ENTREP1: variants seen among roughly 807,000 people sequenced by gnomAD.
ENTREP1 encodes Friedreich ataxia region gene X123.
chr9:69,377,562 G>A, the ENTREP1 span: 8 of 1,612,262 alleles, frequency 5.0e-6, no homozygotes, highest in South Asian at 1.1e-5. Context: ...CTCTCTCCCC[G>A]TGCCTTTGTA....
the ENTREP1 span, chr9:69,391,914 C>T: frequency 6.5e-6 from 7 of 1,082,916 alleles, no homozygotes; most frequent in Middle Eastern, 6.0e-4. Context: ...CTGGAGGACA[C>T]GTTTTCCCAC....
chr9:69,368,352 A>G, the ENTREP1 span, among the ~76,000 whole-genome samples: 1 of 151,962 alleles, frequency 6.6e-6, no homozygotes, highest in East Asian at 1.9e-4. Context: ...GGTCCTTATT[A>G]TGTTGAGGTA....
the ENTREP1 span, among the ~76,000 whole-genome samples, chr9:69,365,728 C>T: frequency 6.6e-6 from 1 of 152,038 alleles, no homozygotes; most frequent in Non-Finnish European, 1.5e-5. Context: ...TACTCTCTCT[C>T]GATGAGATTA....
the ENTREP1 span, among the ~76,000 whole-genome samples, chr9:69,368,237 T>C: frequency 2.0e-5 from 3 of 152,174 alleles, no homozygotes; most frequent in East Asian, 5.8e-4. Context: ...CTGTGTTGAA[T>C]AGAAGTAGTA....
the ENTREP1 span, chr9:69,375,892 G>A: frequency 1.1e-5 from 18 of 1,602,912 alleles, no homozygotes; most frequent in Middle Eastern, 1.7e-4. Flanking sequence ...CCACCCGCAC[G>A]GTAAATACAC....
chr9:69,383,796 T>A, the ENTREP1 span: 1 of 1,613,388 alleles, frequency 6.2e-7, no homozygotes, highest in Non-Finnish European at 8.5e-7. Flanking sequence ...GTACATTGAC[T>A]GCAAGTGGGA....
the ENTREP1 span, among the ~76,000 whole-genome samples, chr9:69,370,269 A>C: frequency 6.6e-6 from 1 of 152,230 alleles, no homozygotes; most frequent in Admixed American, 6.5e-5. Flanking sequence ...GATTACAGAT[A>C]TATTAGATCT....
chr9:69,340,256 G>A, the ENTREP1 span, among the ~76,000 whole-genome samples: 1 of 152,186 alleles, frequency 6.6e-6, no homozygotes, highest in Middle Eastern at 3.2e-3. Flanking sequence ...CCTTTGAAAG[G>A]CAGGCTGTCC....
At chr9:69,337,077 C>T in the ENTREP1 span, among the ~76,000 whole-genome samples, 20 of 134,812 alleles carry the variant, frequency 1.5e-4, no homozygotes, top group African/African-American at 2.0e-4. Context: ...TGCAGTGGCA[C>T]GTTCTCAGCT....
chr9:69,386,156 G>T, the ENTREP1 span: 2 of 407,536 alleles, frequency 4.9e-6, no homozygotes, highest in Non-Finnish European at 4.1e-6. Flanking sequence ...GGGTTTTTTT[G>T]TTTTTTTTTA....
the ENTREP1 span, among the ~76,000 whole-genome samples, chr9:69,366,821 T>C: frequency 6.6e-6 from 1 of 152,152 alleles, no homozygotes; most frequent in Admixed American, 6.6e-5. Context: ...ATGTTCTTGG[T>C]GCCTCTGTTA....
chr9:69,383,499 C>T, the ENTREP1 span: 1 of 1,518,290 alleles, frequency 6.6e-7, no homozygotes, highest in Non-Finnish European at 8.8e-7. Flanking sequence ...CTCTCCTGGC[C>T]AAGGAGACCA....
At chr9:69,347,754 A>C in the ENTREP1 span, among the ~76,000 whole-genome samples, 1 of 152,328 alleles carries the variant, frequency 6.6e-6, no homozygotes, top group African/African-American at 2.4e-5. Context: ...AGTGGCCTTG[A>C]ACAACATTGC....
the ENTREP1 span, among the ~76,000 whole-genome samples, chr9:69,358,543 T>A: frequency 6.6e-6 from 1 of 151,994 alleles, no homozygotes; most frequent in Non-Finnish European, 1.5e-5. Context: ...AGGCTGCATA[T>A]GAGGGGGAAA....
chr9:69,360,404 A>G, the ENTREP1 span, among the ~76,000 whole-genome samples: 35 of 152,258 alleles, frequency 2.3e-4, no homozygotes, highest in Admixed American at 2.1e-3. Flanking sequence ...CAATAAAGTT[A>G]TATCATGATT....
the ENTREP1 span, among the ~76,000 whole-genome samples, chr9:69,356,120 C>A: frequency 6.6e-6 from 1 of 152,178 alleles, no homozygotes; most frequent in Non-Finnish European, 1.5e-5. Flanking sequence ...ATCCATTAAA[C>A]AACAACGCCC....
At chr9:69,361,020 T>C in the ENTREP1 span, among the ~76,000 whole-genome samples, 1 of 152,216 alleles carries the variant, frequency 6.6e-6, no homozygotes, top group Non-Finnish European at 1.5e-5. Flanking sequence ...CATAGAATTT[T>C]GGCTTTCCAG....
At chr9:69,371,629 C>T in the ENTREP1 span, 7 of 1,472,934 alleles carry the variant, frequency 4.8e-6, no homozygotes, top group South Asian at 6.8e-5. Flanking sequence ...CCTAAAACAT[C>T]ACTGTGCATC....
chr9:69,377,893 G>A, the ENTREP1 span: 1 of 776,104 alleles, frequency 1.3e-6, no homozygotes, highest in Non-Finnish European at 2.0e-6. Flanking sequence ...TTAGCCCAAT[G>A]AGTGACAAAA....
Sources: allele counts gnomAD v4.1 joint callset (sites outside exome capture counted in the v4.1 genomes callset), GRCh38; gene constraint gnomAD v4.1.1; transcripts MANE v1.5; gene names NCBI Gene and HGNC (gene_info 2026-07-23, HGNC 2026-07-21).